The following KIF13B variants were observed in gnomAD, a reference collection of about 807,000 sequenced individuals.
The protein encoded by KIF13B is kinesin-like protein KIF13B.
KIF13B carries 127 observed loss-of-function variants against 222.0 expected under a neutral mutation model. The observed-to-expected ratio is 0.57, with a 90% CI of 0.50 to 0.66. The LOEUF (loss-of-function observed/expected upper bound fraction) is 0.66. Ranked by LOEUF, KIF13B falls within the 30% of genes least tolerant of loss-of-function variation. The pLI is 0.00. For missense variants in KIF13B, 2,173 were observed against 2,379.0 expected (o/e 0.91, Z 1.80); for synonymous variants, 976 against 919.0 (o/e 1.06, Z -1.12).
chr8:29,183,603 T>C lies in KIF13B; in HGVS notation c.498-1597A>G, dbSNP rs150928082. Among the ~76,000 whole-genome samples the C allele has an allele frequency of 4.1e-3, 631 of 152,330 alleles. 1 individual carries two copies. The highest frequency in any genetic ancestry group is 0.014 in the African/African-American group (599 of 41,566). ...CCTTAGGCATGAATTAATTTACTTT[T>C]ATCCATTTGTATTATAATAAACTTT... On this transcript the variant is annotated intron_variant, in intron 6 of 39. Coordinates refer to ENST00000524189, the MANE Select transcript of KIF13B (RefSeq NM_015254.4).
At chr8:29,195,385 CT>C (rs1813372370) in intron 3 of KIF13B, among the ~76,000 whole-genome samples, 1 of 152,000 alleles carries the variant, frequency 6.6e-6, no homozygotes, top group African/African-American at 2.4e-5. Context: ...GACAGGGTGA[CT>C]TTCTGTTTGT....
chr8:29,252,892 A>G (rs1171414296), intron 1 of KIF13B, among the ~76,000 whole-genome samples: 2 of 152,218 alleles, frequency 1.3e-5, no homozygotes, highest in Non-Finnish European at 2.9e-5. Context: ...TAAAAAGCAA[A>G]TTGGTCTTTA....
At chr8:29,088,217 G>C (rs556521327) in intron 37 of KIF13B, among the ~76,000 whole-genome samples, 1 of 150,644 alleles carries the variant, frequency 6.6e-6, no homozygotes, top group East Asian at 2.0e-4. Flanking sequence ...AGTGAGCTGA[G>C]ATCGCACCAC....
rs567018293 is a variant in KIF13B at position 29,197,545 on chromosome 8, C to T, written c.150-1346G>A. Among the ~76,000 whole-genome samples the T allele has an allele frequency of 3.3e-5, 5 of 152,166 alleles. No homozygotes were observed. In the South Asian group the frequency reaches 1.0e-3, roughly 32 times the overall value. The stretch of plus-strand genomic sequence containing the variant: ...TTATATGAATAAATACACACATACA[C>T]ATATATGTTTTTTTTTCCTGAACCA... On this transcript the variant is annotated intron_variant, in intron 2 of 39. Transcript: ENST00000524189.
chr8:29,256,745 ACTTT>A (rs1816491897), intron 1 of KIF13B, among the ~76,000 whole-genome samples: 1 of 141,978 alleles, frequency 7.0e-6, no homozygotes, highest in South Asian at 2.2e-4. Flanking sequence ...TACAATTACT[ACTTT>A]TTTTGTTTGT....
chr8:29,088,131 T>C (rs891537521), intron 37 of KIF13B, among the ~76,000 whole-genome samples: 3 of 151,922 alleles, frequency 2.0e-5, no homozygotes, highest in Admixed American at 6.6e-5. Context: ...CGGGGCATGG[T>C]GGCGGGCGCC....
chr8:29,262,684 G>T (rs1229222300), intron 1 of KIF13B, among the ~76,000 whole-genome samples: 1 of 151,208 alleles, frequency 6.6e-6, no homozygotes, highest in East Asian at 2.0e-4. Context: ...ACCTCCGGGG[G>T]AGACGAGAGG....
At position 29,147,420 on chromosome 8, in the gene KIF13B, G is replaced by C. The variant is rs1811105570; in HGVS notation, c.1996C>G (p.Gln666Glu). 4.3e-6 allele frequency: 7 copies of C among 1,609,210 alleles called. No individual in the cohort carries two copies. The highest frequency in any genetic ancestry group is 4.0e-5 in the African/African-American group (3 of 74,844). The part of the protein sequence containing the change: ...RFSFHSPSAQ[Q>E]RLRQWAEERE... ...TCCTCAGCCCACTGTCTTAAGCGTT[G>C]CTGAGCGCTGGGCGAGTGGAAAGAA... is the stretch of plus-strand genomic sequence containing the variant. The change falls in exon 17 of 40, where the codon CAA (glutamine) becomes GAA (glutamate). Residue 666 changes from glutamine to glutamate, a missense_variant. Transcript: ENST00000524189.
At chr8:29,237,776 T>C (rs1303660053) in intron 2 of KIF13B, among the ~76,000 whole-genome samples, 1 of 152,252 alleles carries the variant, frequency 6.6e-6, no homozygotes, top group African/African-American at 2.4e-5. Context: ...TGCAATGATA[T>C]GCATTCAACC....
intron 13 of KIF13B, among the ~76,000 whole-genome samples, chr8:29,157,675 A>C (rs561968869): frequency 2.6e-5 from 4 of 152,118 alleles, no homozygotes; most frequent in African/African-American, 9.6e-5. Context: ...ACTGCACTCC[A>C]GCCTGGGCGA....
At chr8:29,158,809 A>T (rs1479074496) in intron 13 of KIF13B, among the ~76,000 whole-genome samples, 2 of 151,934 alleles carry the variant, frequency 1.3e-5, no homozygotes, top group Non-Finnish European at 2.9e-5. Context: ...ACACAACCCA[A>T]ACACCTCCAC....
Position 29,195,618 on chromosome 8 carries a change from A to G in KIF13B, c.162+569T>C, listed in dbSNP as rs570362107. Among the ~76,000 whole-genome samples, 10 of 152,348 alleles carry G rather than the reference A, an allele frequency of 6.6e-5. No individual in the cohort carries two copies. In the South Asian group the frequency reaches 2.1e-3, roughly 32 times the overall value. ...AAGTAACTTCATGGTCAGTTAAGAA[A>G]CAGACTTTGTGCCCACTTCAAGCAG... On this transcript the variant is annotated intron_variant, in intron 3 of 39. Coordinates refer to ENST00000524189, the MANE Select transcript of KIF13B (RefSeq NM_015254.4).
intron 10 of KIF13B, among the ~76,000 whole-genome samples, chr8:29,168,616 C>T (rs60443164): frequency 0.065 from 9,828 of 152,190 alleles, 679 homozygotes; most frequent in African/African-American, 0.17. Context: ...GGTGGCCCTA[C>T]GAAGAGAGGC....
chr8:29,262,057 TGACCCCCAATGACAG>T (rs1049041192), intron 1 of KIF13B, among the ~76,000 whole-genome samples: 49 of 152,330 alleles, frequency 3.2e-4, no homozygotes, highest in African/African-American at 1.1e-3. Flanking sequence ...ACAGTAATAG[TGACCCCCAATGACAG>T]GACCTTGTAT....
At chr8:29,148,243 A>T (rs997442547) in intron 16 of KIF13B, among the ~76,000 whole-genome samples, 1 of 152,250 alleles carries the variant, frequency 6.6e-6, no homozygotes, top group Non-Finnish European at 1.5e-5. Context: ...GATTCTATCC[A>T]TCAGATCAAA....
chr8:29,263,247 G>A (rs1324287268), upstream of KIF13B: 2 of 539,640 alleles, frequency 3.7e-6, no homozygotes, highest in African/African-American at 4.1e-5. Context: ...GAAGGCGGGG[G>A]CGGGAATGCT....
At chr8:29,155,645 A>G in intron 14 of KIF13B, 81 bp downstream of exon 14, 1 of 1,287,648 alleles carries the variant, frequency 7.8e-7, no homozygotes, top group Non-Finnish European at 1.1e-6. Context: ...ACTTAAAAGC[A>G]ACAAAGGCCA....
intron 2 of KIF13B, among the ~76,000 whole-genome samples, chr8:29,218,383 C>A (rs139815927): frequency 2.0e-5 from 3 of 152,370 alleles, no homozygotes; most frequent in Non-Finnish European, 4.4e-5. Flanking sequence ...TTTCCTACGT[C>A]TGTTCTCTGT....
chr8:29,209,149 G>A (rs904054321), intron 2 of KIF13B, among the ~76,000 whole-genome samples: 1 of 152,128 alleles, frequency 6.6e-6, no homozygotes, highest in African/African-American at 2.4e-5. Context: ...CTACAATAAG[G>A]TAACTTTAAA....
Sources: gnomAD v4.1 joint callset for allele counts (sites outside exome capture counted in the v4.1 genomes callset) on GRCh38, gnomAD v4.1.1 for gene constraint, MANE v1.5 for transcripts, NCBI Gene and HGNC (gene_info 2026-07-23, HGNC 2026-07-21) for gene names.